Variants in COL19A1 observed in about 807,000 individuals in gnomAD.
COL19A1 encodes the protein collagen type XIX alpha 1 chain, also known as collagen alpha-1(XIX) chain.
COL19A1 carries 159 observed loss-of-function variants against 190.2 expected under a neutral mutation model. The ratio of observed to expected loss-of-function variants is 0.84; its 90% confidence interval spans 0.73 to 0.95. The LOEUF (loss-of-function observed/expected upper bound fraction) is 0.95, where lower values mean the gene tolerates loss of function less well. Among genes scored for constraint, COL19A1 ranks in the 40% least tolerant of loss-of-function variants. The pLI is 0.00. For synonymous variants in COL19A1, 509 were observed against 458.9 expected, an observed-to-expected ratio of 1.11 and a Z score of -1.39; for missense variants, 1,418 against 1,431.9, an observed-to-expected ratio of 0.99 and a Z score of 0.16.
At chr6:70,065,249 C>A (rs1330829832) in intron 14 of COL19A1, among the ~76,000 whole-genome samples, 3 of 152,084 alleles carry the variant, frequency 2.0e-5, no homozygotes, top group Non-Finnish European at 4.4e-5. Context: ...GATACTGGTA[C>A]CAAAACAGAG....
At chr6:69,930,602 A>G (rs1200603420) in intron 6 of COL19A1, among the ~76,000 whole-genome samples, 4 of 151,996 alleles carry the variant, frequency 2.6e-5, no homozygotes, top group African/African-American at 9.7e-5. Flanking sequence ...GCAGATGACG[A>G]GGTCAGGAGA....
intron 15 of COL19A1, among the ~76,000 whole-genome samples, chr6:70,091,056 C>G (rs1343629787): frequency 6.6e-6 from 1 of 152,194 alleles, no homozygotes; most frequent in Non-Finnish European, 1.5e-5. Flanking sequence ...TCCTGTATAA[C>G]TCTGTACTGC....
chr6:69,983,308 T>A (rs1201624026), intron 11 of COL19A1, among the ~76,000 whole-genome samples: 1 of 152,172 alleles, frequency 6.6e-6, no homozygotes, highest in Non-Finnish European at 1.5e-5. Flanking sequence ...TAACTTCCAA[T>A]TGCTTCTAGT....
At chr6:69,998,129 A>G (rs1002081743) in intron 11 of COL19A1, among the ~76,000 whole-genome samples, 1 of 152,192 alleles carries the variant, frequency 6.6e-6, no homozygotes, top group Non-Finnish European at 1.5e-5. Flanking sequence ...CAATGAAACT[A>G]TCAAAGATGA....
intron 48 of COL19A1, among the ~76,000 whole-genome samples, chr6:70,194,389 C>T (rs144316941): frequency 7.9e-5 from 12 of 152,282 alleles, no homozygotes; most frequent in African/African-American, 2.9e-4. Flanking sequence ...GGCCACCTAA[C>T]CTCCCTTCAA....
At chr6:69,880,751 A>G (rs1582266603) in intron 2 of COL19A1, among the ~76,000 whole-genome samples, 1 of 152,070 alleles carries the variant, frequency 6.6e-6, no homozygotes, top group African/African-American at 2.4e-5. Flanking sequence ...TTTGGGGGGG[A>G]AACTCTTTCT....
Position 70,210,040 on chromosome 6 carries a change from T to C in COL19A1, c.*2766T>C, listed in dbSNP as rs1238683657. ...TCCAAAACATGTGTTTATTTCCACA[T>C]AGATGTTAATGATGTTCAAAGCAGG... is the stretch of plus-strand genomic sequence containing the variant. On this transcript the variant is annotated 3_prime_UTR_variant, in exon 51 of 51. Transcript: ENST00000620364. 6.6e-6 allele frequency: 1 copy of C among 152,158 alleles called. No homozygotes were observed. Among genetic ancestry groups the C allele is most frequent in the Admixed American group, 6.6e-5 (1 of 15,262 alleles). 9.4% of individuals were successfully genotyped at this position (152,158 alleles called of 1,614,324 possible).
At chr6:70,050,043 G>A (rs538113440) in intron 14 of COL19A1, among the ~76,000 whole-genome samples, 281 of 152,176 alleles carry the variant, frequency 1.8e-3, no homozygotes, top group Non-Finnish European at 3.3e-3. Context: ...GAATTATACA[G>A]ATCAAGGGAC....
intron 15 of COL19A1, among the ~76,000 whole-genome samples, chr6:70,098,189 T>G (rs1783402460): frequency 6.6e-6 from 1 of 152,318 alleles, no homozygotes; most frequent in Non-Finnish European, 1.5e-5. Context: ...GATTAGACTT[T>G]CCTCTGAAAA....
chr6:70,187,172 G>T (rs1025393040), intron 46 of COL19A1, among the ~76,000 whole-genome samples: 5 of 152,216 alleles, frequency 3.3e-5, no homozygotes, highest in Non-Finnish European at 5.9e-5. Flanking sequence ...GAGCCACCGC[G>T]CCTGGCCCAA....
At chr6:69,950,151 C>T (rs1367201459) in intron 9 of COL19A1, among the ~76,000 whole-genome samples, 1 of 151,732 alleles carries the variant, frequency 6.6e-6, no homozygotes, top group Non-Finnish European at 1.5e-5. Flanking sequence ...TAGGTAATAG[C>T]AGTAAATTCT....
chr6:69,938,024 G>T lies in COL19A1; in HGVS notation c.874-14G>T. On this transcript the variant is annotated splice_polypyrimidine_tract_variant and intron_variant, in intron 8 of 50. Coordinates refer to ENST00000620364, the MANE Select transcript of COL19A1 (RefSeq NM_001858.6). ...ACAGAATGTTTGCTAACACAGATAT[G>T]CATTTTTGCTCAGGGAGAAGCAGGA... 6.2e-7 allele frequency: 1 copy of T among 1,612,020 alleles called. No individual in the cohort carries two copies.
intron 11 of COL19A1, among the ~76,000 whole-genome samples, chr6:70,006,890 A>C (rs1777665859): frequency 2.0e-5 from 3 of 152,110 alleles, no homozygotes. Context: ...ATAGATTATG[A>C]TAAAGTAAAG....
At chr6:70,028,101 A>G (rs939120142) in intron 12 of COL19A1, among the ~76,000 whole-genome samples, 3 of 152,178 alleles carry the variant, frequency 2.0e-5, no homozygotes, top group Non-Finnish European at 1.5e-5. Context: ...TGAGGGGTTC[A>G]GTCAGCTGAA....
intron 2 of COL19A1, chr6:69,879,864 A>G: frequency 1.8e-6 from 1 of 556,410 alleles, no homozygotes; most frequent in South Asian, 2.7e-5. Context: ...CGCATAGTAT[A>G]TTAGTCTATG....
chr6:70,158,744 T>G (rs1787594473), intron 34 of COL19A1, among the ~76,000 whole-genome samples: 1 of 152,062 alleles, frequency 6.6e-6, no homozygotes, highest in African/African-American at 2.4e-5. Flanking sequence ...TGGTAGCAAC[T>G]GGGCTAGGAT....
rs1378535054 is a variant in COL19A1, at chr6:70,208,308, T to C, written c.*1034T>C. The C allele has an allele frequency of 1.3e-5, 2 of 152,214 alleles. No individual in the cohort carries two copies. The highest frequency in any genetic ancestry group is 4.8e-5 in the African/African-American group (2 of 41,446). The allele number at this position is 152,214 out of a possible 1,614,324, so 9.4% of individuals were successfully genotyped here. The stretch of plus-strand genomic sequence containing the variant: ...CTTGTCCTAGAAGATGAATGTGTAG[T>C]GTCAGCAAATGCATGTTAAGAAGGT... On this transcript the variant is annotated 3_prime_UTR_variant, in exon 51 of 51. Transcript: ENST00000620364.
At chr6:70,201,265 C>G (rs1562266579) in intron 49 of COL19A1, among the ~76,000 whole-genome samples, 1 of 152,156 alleles carries the variant, frequency 6.6e-6, no homozygotes, top group Non-Finnish European at 1.5e-5. Flanking sequence ...ACTGGGGTCT[C>G]CTGTTCCACT....
chr6:69,867,421 C>G (rs1369459793), intron 1 of COL19A1: 1 of 153,902 alleles, frequency 6.5e-6, no homozygotes, highest in African/African-American at 2.4e-5. Flanking sequence ...GTCCCAGTCG[C>G]GGCGCGAGGA....
Sources: gnomAD v4.1 joint callset for allele counts (sites outside exome capture counted in the v4.1 genomes callset) on GRCh38, gnomAD v4.1.1 for gene constraint, MANE v1.5 for transcripts, NCBI Gene and HGNC (gene_info 2026-07-23, HGNC 2026-07-21) for gene names.